Variants in PRR16 observed in about 807,000 individuals in gnomAD.
PRR16 encodes the protein protein Largen.
Under a neutral mutation model 18.2 loss-of-function variants are expected in PRR16, and 6 were observed. The ratio of observed to expected loss-of-function variants is 0.33; its 90% confidence interval spans 0.18 to 0.65. The LOEUF (loss-of-function observed/expected upper bound fraction) is 0.65. Among genes scored for constraint, PRR16 ranks in the 30% least tolerant of loss-of-function variants. The pLI, the probability that PRR16 is intolerant of heterozygous loss-of-function variation, is 0.74. For synonymous variants in PRR16, 151 were observed against 147.8 expected (o/e 1.02, Z -0.16); for missense variants, 412 against 376.6 (o/e 1.09, Z -0.78).
At chr5:120,512,582 A>G (rs1273714920) in intron 1 of PRR16, among the ~76,000 whole-genome samples, 1 of 152,178 alleles carries the variant, frequency 6.6e-6, no homozygotes, top group African/African-American at 2.4e-5. Context: ...ACCTGTGACA[A>G]GAATATGGAA....
chr5:120,686,287 A>G lies in PRR16; in HGVS notation c.493A>G (p.Lys165Glu), dbSNP rs750533289. The change falls in exon 2 of 2, where the codon AAA becomes GAA. Residue 165 changes from lysine to glutamate, a missense_variant. Lys to Glu is a moderately conservative substitution (Grantham distance 56, BLOSUM62 1). Transcript: ENST00000407149. Reference sequence around the variant, plus strand: ...TGGAGGCTTACCAGGTGGACCTAACAAAATTCCAAATGGAGATATCTGCTG... The same window carrying G: ...TGGAGGCTTACCAGGTGGACCTAACGAAATTCCAAATGGAGATATCTGCTG... Reference protein sequence around the residue: ...RNGGLPGGPNKIPNGDICCIP... With the variant: ...RNGGLPGGPNEIPNGDICCIP... 2 of 1,614,150 alleles carry G rather than the reference A, an allele frequency of 1.2e-6. No individual in the cohort carries two copies. Among genetic ancestry groups the G allele is most frequent in the Non-Finnish European group, 1.7e-6 (2 of 1,180,030 alleles).
chr5:120,743,452 T>G, the PRR16 span, among the ~76,000 whole-genome samples: 1 of 152,136 alleles, frequency 6.6e-6, no homozygotes, highest in East Asian at 1.9e-4. Flanking sequence ...TGTAATAGTG[T>G]TGGGTTAAAT....
chr5:120,728,443 T>C, the PRR16 span, among the ~76,000 whole-genome samples: 2 of 152,028 alleles, frequency 1.3e-5, no homozygotes, highest in African/African-American at 2.4e-5. Flanking sequence ...AGTTATTAAA[T>C]TTTGATGACA....
In PRR16 at chr5:120,558,074, A is replaced by G. The variant is rs140655792; in HGVS notation, c.159+93429A>G. Reference sequence around the variant, plus strand: ...TTAGATGTTTTGATACAGTCATGCAATGCATAATAATCCCATCATGGAAAA... The same window carrying G: ...TTAGATGTTTTGATACAGTCATGCAGTGCATAATAATCCCATCATGGAAAA... On this transcript the variant is annotated intron_variant, in intron 1 of 1. Coordinates refer to ENST00000407149, the MANE Select transcript of PRR16 (RefSeq NM_001300783.2). Among the ~76,000 whole-genome samples the G allele has an allele frequency of 9.4e-4, 143 of 151,964 alleles. No homozygotes were observed. The East Asian group carries it at 0.018, about 19-fold the overall frequency.
At chr5:120,758,422 A>C in the PRR16 span, among the ~76,000 whole-genome samples, 1 of 152,112 alleles carries the variant, frequency 6.6e-6, no homozygotes, top group Admixed American at 6.6e-5. Flanking sequence ...AGTTATTTTC[A>C]TTCTGTTGTA....
intron 1 of PRR16, among the ~76,000 whole-genome samples, chr5:120,672,001 A>G (rs529155868): frequency 6.6e-6 from 1 of 152,320 alleles, no homozygotes; most frequent in Admixed American, 6.5e-5. Flanking sequence ...TATTCAACAT[A>G]TATTCTTATT....
the PRR16 span, among the ~76,000 whole-genome samples, chr5:120,791,772 A>C: frequency 6.6e-6 from 1 of 152,120 alleles, no homozygotes; most frequent in Non-Finnish European, 1.5e-5. Context: ...AACAATTAAA[A>C]GAATAGGTCA....
intron 1 of PRR16, among the ~76,000 whole-genome samples, chr5:120,475,205 G>C (rs563583644): frequency 1.3e-5 from 2 of 152,284 alleles, no homozygotes; most frequent in Non-Finnish European, 2.9e-5. Flanking sequence ...AAGTGTTGGA[G>C]TTGAACTCCT....
At chr5:120,636,498 T>C (rs942484483) in intron 1 of PRR16, among the ~76,000 whole-genome samples, 2 of 152,120 alleles carry the variant, frequency 1.3e-5, no homozygotes, top group Non-Finnish European at 2.9e-5. Context: ...AGCTGACTTA[T>C]CTTTGACAAA....
In PRR16 at chr5:120,567,225, A is replaced by G. The variant is rs113080010; in HGVS notation, c.159+102580A>G. Among the ~76,000 whole-genome samples the G allele has an allele frequency of 5.5e-3, 834 of 152,236 alleles. 8 individuals carry two copies. Among genetic ancestry groups the G allele is most frequent in the African/African-American group, 0.019 (801 of 41,548 alleles). ...GTTTTGGCCCATAACTGGAAAATGCATGCCCAGTCTATGCCACTGGGTTTT... is the reference window on the plus strand; with the variant it reads ...GTTTTGGCCCATAACTGGAAAATGCGTGCCCAGTCTATGCCACTGGGTTTT... On this transcript the variant is annotated intron_variant, in intron 1 of 1. Coordinates refer to ENST00000407149, the MANE Select transcript of PRR16 (RefSeq NM_001300783.2).
chr5:120,547,559 A>AT (rs569445284), intron 1 of PRR16, among the ~76,000 whole-genome samples: 22,980 of 145,402 alleles, frequency 0.16, 2,070 homozygotes, highest in Non-Finnish European at 0.22. Context: ...ATGCATTTTC[A>AT]TTTTTTTTTT....
At chr5:120,741,054 G>T in the PRR16 span, among the ~76,000 whole-genome samples, 2 of 151,710 alleles carry the variant, frequency 1.3e-5, no homozygotes, top group Non-Finnish European at 2.9e-5. Flanking sequence ...AACACTTGAA[G>T]ATATTTCTTT....
chr5:120,541,442 A>G (rs1751911669), intron 1 of PRR16, among the ~76,000 whole-genome samples: 1 of 152,180 alleles, frequency 6.6e-6, no homozygotes, highest in Non-Finnish European at 1.5e-5. Flanking sequence ...CACTGTGCCC[A>G]GCCAATGACT....
At chr5:120,638,275 G>C (rs1238102962) in intron 1 of PRR16, among the ~76,000 whole-genome samples, 1 of 152,134 alleles carries the variant, frequency 6.6e-6, no homozygotes, top group African/African-American at 2.4e-5. Flanking sequence ...TTAGATTAAG[G>C]ATGCCCAACC....
intron 1 of PRR16, among the ~76,000 whole-genome samples, chr5:120,630,639 A>G (rs1345102790): frequency 6.6e-6 from 1 of 151,924 alleles, no homozygotes; most frequent in Non-Finnish European, 1.5e-5. Flanking sequence ...TTGAATAGAT[A>G]TATTTATTTT....
the PRR16 span, among the ~76,000 whole-genome samples, chr5:120,694,978 G>A: frequency 2.8e-3 from 421 of 152,246 alleles, 3 homozygotes; most frequent in African/African-American, 9.6e-3. Context: ...AAAAGTTTGT[G>A]ATATATTTGA....
chr5:120,687,732 C>T (rs912005276), downstream of PRR16, among the ~76,000 whole-genome samples: 1 of 152,138 alleles, frequency 6.6e-6, no homozygotes, highest in African/African-American at 2.4e-5. Context: ...GTAAGTTTTT[C>T]CCCCTCAGAG....
chr5:120,667,433 G>GT (rs1202680668), intron 1 of PRR16, among the ~76,000 whole-genome samples: 4 of 151,930 alleles, frequency 2.6e-5, no homozygotes, highest in South Asian at 2.1e-4. Flanking sequence ...TTTTTGAAGC[G>GT]TTTTTTGTGT....
chr5:120,522,012 TATGA>T (rs1751198642), intron 1 of PRR16, among the ~76,000 whole-genome samples: 1 of 152,254 alleles, frequency 6.6e-6, no homozygotes, highest in Non-Finnish European at 1.5e-5. Flanking sequence ...CATCCTTTTT[TATGA>T]CTGCATGGTA....
Sources: gnomAD v4.1 joint callset for allele counts (sites outside exome capture counted in the v4.1 genomes callset) on GRCh38, gnomAD v4.1.1 for gene constraint, MANE v1.5 for transcripts, NCBI Gene and HGNC (gene_info 2026-07-23, HGNC 2026-07-21) for gene names.